Variants in CDH18 observed in about 807,000 individuals in gnomAD.
CDH18 encodes the protein cadherin-18.
CDH18 carries 31 observed loss-of-function variants against 67.9 expected under a neutral mutation model. The observed-to-expected ratio is 0.46, with a 90% CI of 0.34 to 0.62. The LOEUF (loss-of-function observed/expected upper bound fraction) is 0.62. CDH18 is among the 20% of genes least tolerant of loss of function. The pLI is 0.01. For synonymous variants in CDH18, 362 were observed against 347.2 expected, an observed-to-expected ratio of 1.04 and a Z score of -0.48; for missense variants, 890 against 975.5, an observed-to-expected ratio of 0.91 and a Z score of 1.17.
At chr5:20,483,450 A>G (rs913572092) in intron 1 of CDH18, among the ~76,000 whole-genome samples, 4 of 152,152 alleles carry the variant, frequency 2.6e-5, no homozygotes, top group South Asian at 2.1e-4. Context: ...CCAAAGACTC[A>G]GAATAGCCAA....
intron 7 of CDH18, among the ~76,000 whole-genome samples, chr5:19,575,093 G>A (rs1742108109): frequency 6.6e-6 from 1 of 152,118 alleles, no homozygotes; most frequent in Admixed American, 6.6e-5. Flanking sequence ...CTTAATGAGT[G>A]CTATTTTCAG....
chr5:20,184,354 A>G (rs1338072185), intron 2 of CDH18, among the ~76,000 whole-genome samples: 1 of 152,122 alleles, frequency 6.6e-6, no homozygotes, highest in Non-Finnish European at 1.5e-5. Context: ...ATCAAATACA[A>G]GTCTTATTCA....
intron 1 of CDH18, among the ~76,000 whole-genome samples, chr5:20,318,355 G>A (rs958192695): frequency 1.3e-5 from 2 of 152,122 alleles, no homozygotes; most frequent in Admixed American, 6.6e-5. Context: ...ATGCCACTAT[G>A]ATTATAAAGC....
chr5:20,167,883 C>A (rs931747899), intron 2 of CDH18, among the ~76,000 whole-genome samples: 1 of 152,146 alleles, frequency 6.6e-6, no homozygotes, highest in African/African-American at 2.4e-5. Context: ...TTGCTTTAAC[C>A]AAACTGGAAG....
At chr5:20,385,721 T>C (rs543190347) in intron 1 of CDH18, among the ~76,000 whole-genome samples, 1 of 152,302 alleles carries the variant, frequency 6.6e-6, no homozygotes, top group Non-Finnish European at 1.5e-5. Context: ...TCTCACTTTC[T>C]CTTTGATGTG....
chr5:20,393,417 C>T (rs1036635958), intron 1 of CDH18, among the ~76,000 whole-genome samples: 7 of 151,900 alleles, frequency 4.6e-5, no homozygotes, highest in South Asian at 2.1e-4. Flanking sequence ...AACTAAAAGG[C>T]GTTCTCACTG....
chr5:19,782,694 T>C (rs1232047438), intron 3 of CDH18, among the ~76,000 whole-genome samples: 1 of 152,158 alleles, frequency 6.6e-6, no homozygotes, highest in Non-Finnish European at 1.5e-5. Flanking sequence ...AGGAGTTGCT[T>C]AGACTCTGAT....
chr5:19,913,780 T>C (rs1427710484), intron 2 of CDH18, among the ~76,000 whole-genome samples: 6 of 152,236 alleles, frequency 3.9e-5, no homozygotes, highest in Non-Finnish European at 8.8e-5. Context: ...ATTAAAATGT[T>C]ATCTCCTTAA....
At chr5:20,510,200 A>T (rs1754945242) in intron 1 of CDH18, among the ~76,000 whole-genome samples, 1 of 151,652 alleles carries the variant, frequency 6.6e-6, no homozygotes, top group African/African-American at 2.4e-5. Context: ...CTTCTGAGAG[A>T]TGTCTGTTTA....
rs368915063 is a variant in CDH18 at position 19,503,206 on chromosome 5, G to C, written c.1513-97C>G. On this transcript the variant is annotated intron_variant, in intron 10 of 12. Coordinates refer to ENST00000382275, the MANE Select transcript of CDH18 (RefSeq NM_004934.5). Reference sequence around the variant, plus strand: ...ATTTCTGTTTAAAAATATTTTTAAAGGATCTTTTCTTCCAACTTGAGTTAT... The same window carrying C: ...ATTTCTGTTTAAAAATATTTTTAAACGATCTTTTCTTCCAACTTGAGTTAT... 3 of 640,196 alleles carry C rather than the reference G, an allele frequency of 4.7e-6. No homozygotes were observed. The East Asian group carries it at 8.2e-5, about 17-fold the overall frequency. The allele number at this position is 640,196 out of a possible 1,614,324, so 39.7% of individuals were successfully genotyped here.
chr5:19,581,761 T>C (rs924247061), intron 7 of CDH18, among the ~76,000 whole-genome samples: 4 of 152,164 alleles, frequency 2.6e-5, no homozygotes, highest in Admixed American at 6.5e-5. Context: ...ACTGACATCA[T>C]TATTAATTTT....
chr5:20,289,276 A>C (rs1746927482), intron 1 of CDH18, among the ~76,000 whole-genome samples: 1 of 152,146 alleles, frequency 6.6e-6, no homozygotes, highest in South Asian at 2.1e-4. Context: ...AGAATTATGA[A>C]ATGACAGTTG....
intron 11 of CDH18, among the ~76,000 whole-genome samples, chr5:19,502,278 G>A (rs958953213): frequency 6.6e-6 from 1 of 152,048 alleles, no homozygotes; most frequent in Non-Finnish European, 1.5e-5. Flanking sequence ...ATATAGTTTG[G>A]ACAAAGAAAA....
rs1165085724 is a variant in CDH18 at position 20,054,912 on chromosome 5, G to C, written c.-517-62898C>G. 2.0e-5 allele frequency among the ~76,000 whole-genome samples: 3 copies of C among 152,284 alleles called. No individual in the cohort carries two copies. In the East Asian group the frequency reaches 5.8e-4, roughly 29 times the overall value. ...AGGTGATACAAATGTGACTATCTAAGACTGAGGTTAGAGGATGAGAAAAGA... is the reference window on the plus strand; with the variant it reads ...AGGTGATACAAATGTGACTATCTAACACTGAGGTTAGAGGATGAGAAAAGA... On this transcript the variant is annotated intron_variant, in intron 2 of 14. Transcript: ENST00000507958.
intron 2 of CDH18, among the ~76,000 whole-genome samples, chr5:20,187,616 A>G (rs1216630795): frequency 1.3e-5 from 2 of 151,964 alleles, no homozygotes; most frequent in East Asian, 3.9e-4. Context: ...AAGCGATACA[A>G]GAAGCATTAT....
chr5:19,778,980 C>T (rs991037167), intron 3 of CDH18, among the ~76,000 whole-genome samples: 3 of 152,140 alleles, frequency 2.0e-5, no homozygotes, highest in Non-Finnish European at 4.4e-5. Context: ...CTCTCTTTCA[C>T]AAATGATGTC....
At chr5:19,917,471 G>T (rs921217414) in intron 2 of CDH18, among the ~76,000 whole-genome samples, 1 of 151,928 alleles carries the variant, frequency 6.6e-6, no homozygotes, top group African/African-American at 2.4e-5. Flanking sequence ...CTGCAATATG[G>T]TCTAAAAGAG....
intron 2 of CDH18, among the ~76,000 whole-genome samples, chr5:20,153,279 TA>T (rs1438284712): frequency 6.6e-6 from 1 of 152,092 alleles, no homozygotes; most frequent in East Asian, 1.9e-4. Flanking sequence ...CTTTGGTTTC[TA>T]AACAACCCAA....
At chr5:20,333,577 ATATC>A (rs1739407005) in intron 1 of CDH18, among the ~76,000 whole-genome samples, 1 of 150,734 alleles carries the variant, frequency 6.6e-6, no homozygotes, top group Non-Finnish European at 1.5e-5. Flanking sequence ...ATATTTATAT[ATATC>A]TTTCATGTTT....
Sources: allele counts gnomAD v4.1 joint callset (sites outside exome capture counted in the v4.1 genomes callset), GRCh38; gene constraint gnomAD v4.1.1; transcripts MANE v1.5; gene names NCBI Gene and HGNC (gene_info 2026-07-23, HGNC 2026-07-21).